Variants in GRIN2B observed in about 807,000 individuals in gnomAD.
The protein encoded by GRIN2B is glutamate ionotropic receptor NMDA type subunit 2B, also known as glutamate receptor ionotropic, NMDA 2B.
In GRIN2B, 5 loss-of-function variants were observed where a neutral mutation model predicts 114.5. The ratio of observed to expected loss-of-function variants is 0.04; its 90% CI spans 0.02 to 0.09. The LOEUF (loss-of-function observed/expected upper bound fraction) is 0.09. Among genes scored for constraint, GRIN2B ranks in the 10% least tolerant of loss-of-function variants. The probability of loss-of-function intolerance (pLI) is 1.00; values close to 1 mark genes in which losing one functional copy is unlikely to be tolerated. For missense variants in GRIN2B, 1,108 were observed against 1,943.5 expected (o/e 0.57, Z 8.08); for synonymous variants, 787 against 745.1 (o/e 1.06, Z -0.92).
intron 3 of GRIN2B, among the ~76,000 whole-genome samples, chr12:13,767,022 C>T (rs965503792): frequency 5.9e-5 from 9 of 152,016 alleles, no homozygotes; most frequent in African/African-American, 1.2e-4. Context: ...TTTGGGAGGC[C>T]GAGGCGGGTG....
intron 5 of GRIN2B, among the ~76,000 whole-genome samples, chr12:13,667,881 T>C (rs1488135757): frequency 6.6e-6 from 1 of 152,212 alleles, no homozygotes; most frequent in Admixed American, 6.5e-5. Context: ...ATGTCTTTAA[T>C]AAACATTAAT....
chr12:13,603,499 A>T (rs1949192692), intron 10 of GRIN2B, among the ~76,000 whole-genome samples: 1 of 152,142 alleles, frequency 6.6e-6, no homozygotes, highest in African/African-American at 2.4e-5. Context: ...ACAAATAAAG[A>T]TATTAATAGC....
In GRIN2B at chr12:13,550,390, A is replaced by G. The variant is rs1211999606; in HGVS notation, c.*12393T>C. ...AAAAATGCTCGAGAAATGACTCTTC[A>G]GATTTCTATGTGACCCATTTCTCGT... On this transcript the variant is annotated 3_prime_UTR_variant, in exon 14 of 14. Coordinates refer to ENST00000609686, the MANE Select transcript of GRIN2B (RefSeq NM_000834.5). 1 of 152,202 alleles carries G rather than the reference A, an allele frequency of 6.6e-6. No individual in the cohort carries two copies. The highest frequency in any genetic ancestry group is 1.5e-5 in the Non-Finnish European group (1 of 68,026). 9.4% of individuals were successfully genotyped at this position (152,202 alleles called of 1,614,324 possible). A position where few individuals can be genotyped will look rare whatever the true frequency, so the allele number is the denominator to read the frequency against.
chr12:13,720,890 C>A (rs1337191538), intron 4 of GRIN2B, among the ~76,000 whole-genome samples: 1 of 152,034 alleles, frequency 6.6e-6, no homozygotes, highest in Non-Finnish European at 1.5e-5. Context: ...CTTATATGAA[C>A]AAATTCGACA....
chr12:13,852,376 C>T (rs933387030), intron 3 of GRIN2B, among the ~76,000 whole-genome samples: 2 of 152,154 alleles, frequency 1.3e-5, no homozygotes, highest in African/African-American at 4.8e-5. Context: ...GGAGAAGCAG[C>T]CATTTAGTTA....
intron 3 of GRIN2B, among the ~76,000 whole-genome samples, chr12:13,809,532 A>G (rs1036788162): frequency 6.6e-6 from 1 of 152,220 alleles, no homozygotes; most frequent in Non-Finnish European, 1.5e-5. Flanking sequence ...TATGTGACTC[A>G]AAATCCTAAA....
intron 10 of GRIN2B, among the ~76,000 whole-genome samples, chr12:13,607,376 AT>A (rs1949286795): frequency 2.8e-5 from 1 of 36,280 alleles, no homozygotes; most frequent in Non-Finnish European, 5.5e-5. Flanking sequence ...ATTATATATT[AT>A]ATATATAATA....
At chr12:13,964,032 G>A (rs1251156241) in intron 2 of GRIN2B, among the ~76,000 whole-genome samples, 2 of 152,318 alleles carry the variant, frequency 1.3e-5, no homozygotes, top group Admixed American at 1.3e-4. Flanking sequence ...ATCTCTGGCT[G>A]TGGCTAGAAT....
At chr12:13,698,516 C>T (rs1002665614) in intron 4 of GRIN2B, among the ~76,000 whole-genome samples, 3 of 152,048 alleles carry the variant, frequency 2.0e-5, no homozygotes, top group African/African-American at 2.4e-5. Flanking sequence ...AAAAATATAA[C>T]AGTATTACAT....
At chr12:13,806,478 T>C (rs545340223) in intron 3 of GRIN2B, among the ~76,000 whole-genome samples, 2 of 152,300 alleles carry the variant, frequency 1.3e-5, no homozygotes, top group African/African-American at 4.8e-5. Context: ...TGATTAGTGA[T>C]GTTGAGCATT....
In GRIN2B at chr12:13,882,159, GTA is replaced by G. The variant is rs375859454; in HGVS notation, c.-18-15935_-18-15934del. Among the ~76,000 whole-genome samples the G allele has an allele frequency of 1.1e-4, 16 of 152,278 alleles. No homozygotes were observed. The East Asian group carries it at 2.9e-3, about 28-fold the overall frequency. ...ACTAGTGACATAAGATACAAACATA[GTA>G]TATGTCTCATTTGCCAAGAGGAAGG... On this transcript the variant is annotated intron_variant, in intron 2 of 13. Transcript: ENST00000609686.
intron 5 of GRIN2B, among the ~76,000 whole-genome samples, chr12:13,665,965 G>A (rs1191068021): frequency 6.6e-6 from 1 of 152,126 alleles, no homozygotes; most frequent in Admixed American, 6.5e-5. Flanking sequence ...CTTTCCTATG[G>A]GATGAATGAA....
rs143434063 is a variant in GRIN2B, at chr12:13,961,960, C to A, written c.-19+17968G>T. Among the ~76,000 whole-genome samples, 481 of 152,264 alleles carry A rather than the reference C, an allele frequency of 3.2e-3. 4 individuals carry two copies. Among genetic ancestry groups the A allele is most frequent in the South Asian group, 8.7e-3 (42 of 4,820 alleles). On this transcript the variant is annotated intron_variant, in intron 2 of 13. Coordinates refer to ENST00000609686, the MANE Select transcript of GRIN2B (RefSeq NM_000834.5). ...CTGTACATTAGAACCACCTGAGCAG[C>A]ATTTCAAATATGCTGGTCCCTAAGA... is the stretch of plus-strand genomic sequence containing the variant.
upstream of GRIN2B, among the ~76,000 whole-genome samples, chr12:13,982,134 T>TGGAAGGGGGAC (rs1389106563): frequency 1.4e-5 from 2 of 143,068 alleles, no homozygotes; most frequent in African/African-American, 2.6e-5. Context: ...GTAAGGTGGA[T>TGGAAGGGGGAC]GGAAGGGGGA....
At chr12:13,712,429 G>A (rs1269807797) in intron 4 of GRIN2B, among the ~76,000 whole-genome samples, 1 of 151,336 alleles carries the variant, frequency 6.6e-6, no homozygotes, top group African/African-American at 2.4e-5. Flanking sequence ...AAAGAAAAAA[G>A]CAAAATTAAT....
intron 3 of GRIN2B, among the ~76,000 whole-genome samples, chr12:13,793,366 A>T (rs1864353405): frequency 6.6e-6 from 1 of 151,904 alleles, no homozygotes; most frequent in Non-Finnish European, 1.5e-5. Context: ...GGTTGCAGTG[A>T]GCTGAGATTG....
intron 3 of GRIN2B, among the ~76,000 whole-genome samples, chr12:13,784,223 C>CAAAAAAAAAA (rs56197649): frequency 1.4e-5 from 1 of 71,910 alleles, no homozygotes; most frequent in African/African-American, 5.9e-5. Flanking sequence ...GACTTCGCCT[C>CAAAAAAAAAA]AAAAAAAAAA....
chr12:13,681,520 T>C (rs993402582), intron 4 of GRIN2B, among the ~76,000 whole-genome samples: 10 of 151,266 alleles, frequency 6.6e-5, no homozygotes, highest in Admixed American at 1.3e-4. Flanking sequence ...TTTCTGGCTC[T>C]GAAAAGCTGT....
At chr12:13,903,214 ATGTT>A (rs1272545109) in intron 2 of GRIN2B, among the ~76,000 whole-genome samples, 2 of 152,112 alleles carry the variant, frequency 1.3e-5, no homozygotes, top group Non-Finnish European at 1.5e-5. Context: ...TTTGCAATAT[ATGTT>A]TATCATAAAT....
Sources: allele counts gnomAD v4.1 joint callset (sites outside exome capture counted in the v4.1 genomes callset), GRCh38; gene constraint gnomAD v4.1.1; transcripts MANE v1.5; gene names NCBI Gene and HGNC (gene_info 2026-07-23, HGNC 2026-07-21).